Variants in RNF31 observed in about 807,000 individuals in gnomAD.
The protein encoded by RNF31 is ring finger protein 31, also known as E3 ubiquitin-protein ligase RNF31.
RNF31 carries 38 observed loss-of-function variants against 133.6 expected under a neutral mutation model. The ratio of observed to expected loss-of-function variants is 0.28; its 90% confidence interval spans 0.22 to 0.37. RNF31 has a LOEUF of 0.37. RNF31 is among the 10% of genes least tolerant of loss of function. The pLI is 1.00. For synonymous variants in RNF31, 582 were observed against 552.3 expected, an observed-to-expected ratio of 1.05 and a Z score of -0.75; for missense variants, 1,118 against 1,394.1, an observed-to-expected ratio of 0.80 and a Z score of 3.15.
chr14:24,159,838 A>C, intron 18 of RNF31, 26 bp from the exon 19 acceptor site: 1 of 1,594,372 alleles, frequency 6.3e-7, no homozygotes, highest in Non-Finnish European at 8.6e-7. Flanking sequence ...CTCCCAACAG[A>C]GGCTCCCTTC....
chr14:24,148,591 G>C, intron 3 of RNF31, 51 bp from the exon 4 acceptor site: 2 of 1,601,580 alleles, frequency 1.2e-6, no homozygotes, highest in Non-Finnish European at 1.7e-6. Context: ...TAGAGGGAGG[G>C]CTTTGTTCTA....
chr14:24,147,026 A>G (rs1367724108), upstream of RNF31: 15 of 227,562 alleles, frequency 6.6e-5, no homozygotes, highest in Non-Finnish European at 1.3e-4. Context: ...AGCCAGAGGG[A>G]GCGCCTGGGG....
In RNF31 at chr14:24,147,709, A is replaced by C; in HGVS notation, c.11A>C (p.Glu4Ala). The change falls in exon 1 of 21, where the codon GAG becomes GCG. Residue 4 changes from glutamate to alanine, a missense_variant. By Grantham distance (107) the Glu-to-Ala change is moderately radical. Around this residue, in one of 3 missense-constraint regions of RNF31, gnomAD observed 747 missense variants for 827.9 expected, o/e 0.90. Coordinates refer to ENST00000324103, the MANE Select transcript of RNF31 (RefSeq NM_017999.5). ...GACTCCTGCCTCAGGATGCCGGGGG[A>C]GGAAGAGGAGCGGGCCTTCCTGGTG... MPG[E>A]EEERAFLVAR... is the part of the protein sequence containing the mutation. 6.6e-7 allele frequency: 1 copy of C among 1,517,246 alleles called. No individual in the cohort carries two copies. The highest frequency in any genetic ancestry group is 8.8e-7 in the Non-Finnish European group (1 of 1,138,318). The allele number at this position is 1,517,246 out of a possible 1,614,324, so 94.0% of individuals were successfully genotyped here.
rs2139087148 is a variant in RNF31, at chr14:24,155,017, C to T, written c.2131-140C>T. On this transcript the variant is annotated intron_variant, in intron 11 of 20. Transcript: ENST00000324103. The surrounding 1 kb of genome is among the most constrained non-coding windows in gnomAD (Gnocchi z 4.9). Reference sequence around the variant, plus strand: ...AGATGTTTACGTTGCCTGCCTGGCCCCTGCTGGCACTTGAGGTTGTTAACC... The same window carrying T: ...AGATGTTTACGTTGCCTGCCTGGCCTCTGCTGGCACTTGAGGTTGTTAACC... The T allele has an allele frequency of 5.3e-6, 4 of 753,978 alleles. No homozygotes were observed. The East Asian group carries it at 1.1e-4, about 20-fold the overall frequency. The allele number at this position is 753,978 out of a possible 1,614,324, so 46.7% of individuals were successfully genotyped here.
At position 24,151,897 on chromosome 14, in the gene RNF31, G is replaced by C. The variant is rs765397489; in HGVS notation, c.2035G>C (p.Val679Leu). Residue 679 changes from valine (V) to leucine (L), a missense_variant, in exon 11 of 21, where the codon GTA becomes CTA. Physicochemically the swap from Val to Leu is conservative, Grantham distance 32. Coordinates refer to ENST00000324103, the MANE Select transcript of RNF31 (RefSeq NM_017999.5). This position sits in a 1 kb window ranked among gnomAD's most constrained non-coding sequence, Gnocchi z 5.3. Reference sequence around the variant, plus strand: ...CAGGAACTATGAGTTGGGGGATGTGGTAGAAGCTGTGAGGCACAGCCAGGA... The same window carrying C: ...CAGGAACTATGAGTTGGGGGATGTGCTAGAAGCTGTGAGGCACAGCCAGGA... Reference protein sequence around the residue: ...TPRNYELGDVVEAVRHSQDRA... With the variant: ...TPRNYELGDVLEAVRHSQDRA... The C allele has an allele frequency of 2.5e-6, 4 of 1,614,222 alleles. No homozygotes were observed. The highest frequency in any genetic ancestry group is 3.4e-6 in the Non-Finnish European group (4 of 1,180,036).
rs756736553 is a variant in RNF31 at position 24,151,991 on chromosome 14, G to A, written c.2129G>A (p.Arg710Gln). The change falls in exon 11 of 21, where the codon CGG (arginine) becomes CAG (glutamine). Residue 710 changes from arginine (R) to glutamine (Q), a missense_variant and splice_region_variant. By Grantham distance (43) the Arg-to-Gln change is conservative. Around this residue, in one of 3 missense-constraint regions of RNF31, gnomAD observed 201 missense variants for 371.7 expected, o/e 0.54. Coordinates refer to ENST00000324103, the MANE Select transcript of RNF31 (RefSeq NM_017999.5). The surrounding 1 kb of genome is among the most constrained non-coding windows in gnomAD (Gnocchi z 5.3). The part of the protein sequence containing the change: ...AVCGWALPHN[R>Q]MQALTSCECT... ...TGTGGCTGGGCCCTGCCCCACAACC[G>A]GGTAAGTCCCTCCCCACGATACCTG... The A allele has an allele frequency of 2.1e-5, 34 of 1,613,368 alleles. No individual in the cohort carries two copies. The South Asian group carries it at 2.3e-4, about 11-fold the overall frequency.
At chr14:24,153,998 G>C (rs929315457) in intron 11 of RNF31, among the ~76,000 whole-genome samples, 3 of 152,190 alleles carry the variant, frequency 2.0e-5, no homozygotes, top group African/African-American at 7.2e-5. Flanking sequence ...CCTTCACTCA[G>C]CGATGACATT....
chr14:24,149,299 G>C (rs1238442787), intron 5 of RNF31, 107 bp from the exon 6 acceptor site: 2 of 1,149,948 alleles, frequency 1.7e-6, no homozygotes, highest in Non-Finnish European at 2.5e-6. Flanking sequence ...TTGTTTCCTT[G>C]GGTCCAGATG....
At chr14:24,157,141 A>G (rs2038352555) in intron 14 of RNF31, 149 bp from the exon 15 acceptor site, 3 of 596,548 alleles carry the variant, frequency 5.0e-6, no homozygotes, top group Non-Finnish European at 6.0e-6. Context: ...AGGACCAAGG[A>G]TGGCCTCTCA....
chr14:24,148,931 G>A (rs1190278659), intron 5 of RNF31, 55 bp downstream of exon 5: 2 of 1,402,112 alleles, frequency 1.4e-6, no homozygotes, highest in African/African-American at 1.4e-5. Context: ...ATGGAAATTT[G>A]GGATGCTCCT....
chr14:24,158,249 C>T (rs776418613), intron 18 of RNF31, 50 bp downstream of exon 18: 18 of 1,568,486 alleles, frequency 1.1e-5, no homozygotes, highest in Non-Finnish European at 1.4e-5. Context: ...TGCTGGGCTC[C>T]CACCGTGTGA....
Position 24,151,646 on chromosome 14 carries a change from T to C in RNF31, c.1899T>C (p.Pro633=). 1 of 1,611,922 alleles carries C rather than the reference T, an allele frequency of 6.2e-7. No individual in the cohort carries two copies. Among genetic ancestry groups the C allele is most frequent in the Non-Finnish European group, 8.5e-7 (1 of 1,179,966 alleles). ...RLWDSGPEPT[P]SWDGPDKQSL... The stretch of plus-strand genomic sequence containing the variant: ...GGGACAGTGGCCCTGAGCCCACCCC[T>C]TCCTGGGATGGGCCAGACAAGCAGG... Residue 633 remains proline (P), a synonymous_variant, in exon 10 of 21, where the codon CCT becomes CCC. Transcript: ENST00000324103. The surrounding 1 kb of genome is among the most constrained non-coding windows in gnomAD (Gnocchi z 5.3).
In RNF31 at chr14:24,160,036, G is replaced by T. The variant is rs1198022240; in HGVS notation, c.2996+76G>T. 3 of 1,449,544 alleles carry T rather than the reference G, an allele frequency of 2.1e-6. No homozygotes were observed. Among genetic ancestry groups the T allele is most frequent in the Non-Finnish European group, 2.9e-6 (3 of 1,046,132 alleles). The allele number at this position is 1,449,544 out of a possible 1,614,324, so 89.8% of individuals were successfully genotyped here. On this transcript the variant is annotated intron_variant, in intron 19 of 20. Transcript: ENST00000324103. This position sits in a 1 kb window ranked among gnomAD's most constrained non-coding sequence, Gnocchi z 4.0. ...TGAGGGCATGCCCAGGCAGTAAAAT[G>T]GGTCCTTGGGAGCAGTAGGTCTTGC...
In RNF31 at chr14:24,147,703, CG is replaced by C; in HGVS notation, c.10del (p.Glu4ArgfsTer18). 2.6e-6 allele frequency: 4 copies of C among 1,513,150 alleles called. No individual in the cohort carries two copies. The highest frequency in any genetic ancestry group is 2.2e-5 in the Admixed American group (1 of 46,396). The allele number at this position is 1,513,150 out of a possible 1,614,324, so 93.7% of individuals were successfully genotyped here. A position where few individuals can be genotyped will look rare whatever the true frequency, so the allele number is the denominator to read the frequency against. Reference protein sequence around the residue: MPGEEEERAFLV... With the variant: MXGEEEERAFLV... ...GGGGCTGACTCCTGCCTCAGGATGC[CG>C]GGGGAGGAAGAGGAGCGGGCCTTCC... On this transcript the variant is annotated frameshift_variant, in exon 1 of 21. Coordinates refer to ENST00000324103, the MANE Select transcript of RNF31 (RefSeq NM_017999.5). LOFTEE classifies it high-confidence loss of function.
intron 18 of RNF31, 74 bp from the exon 19 acceptor site, chr14:24,159,790 T>G: frequency 1.7e-6 from 2 of 1,210,218 alleles, no homozygotes; most frequent in Non-Finnish European, 2.4e-6. Context: ...TTCCCTGCCT[T>G]GTGGATATCC....
chr14:24,153,119 T>C (rs1055773851), intron 11 of RNF31, among the ~76,000 whole-genome samples: 1 of 151,006 alleles, frequency 6.6e-6, no homozygotes, highest in African/African-American at 2.4e-5. Flanking sequence ...TTTTTGTGTG[T>C]GTGTGTGACA....
Position 24,150,246 on chromosome 14 carries a change from T to C in RNF31, c.995T>C (p.Leu332Ser), listed in dbSNP as rs1333080344. Residue 332 changes from leucine (L) to serine (S), a missense_variant, in exon 7 of 21, where the codon TTG becomes TCG. Leu to Ser is a moderately radical substitution (Grantham distance 145). This residue lies in a region of RNF31 where 747 missense variants were observed against 827.9 expected (regional missense o/e 0.90). Coordinates refer to ENST00000324103, the MANE Select transcript of RNF31 (RefSeq NM_017999.5). ...GATCGGCCCCGAGGCTGTAAGGGGT[T>C]GGGGTTGGGAACTGAGGGTCCCCAA... is the stretch of plus-strand genomic sequence containing the variant. ...ACDRPRGCKG[L>S]GLGTEGPQGT... is the part of the protein sequence containing the mutation. 2.5e-6 allele frequency: 4 copies of C among 1,614,020 alleles called. No homozygotes were observed. The African/African-American group carries it at 5.3e-5, about 22-fold the overall frequency.
intron 15 of RNF31, 57 bp from the exon 16 acceptor site, chr14:24,157,463 T>G (rs933974662): frequency 4.4e-6 from 7 of 1,603,512 alleles, no homozygotes; most frequent in Non-Finnish European, 6.0e-6. Context: ...GCAGCTCTCT[T>G]CCTGAGGGCC....
upstream of RNF31, chr14:24,147,382 G>C: frequency 3.7e-6 from 1 of 271,246 alleles, no homozygotes; most frequent in Non-Finnish European, 6.9e-6. Context: ...CCTTCTCATT[G>C]GTTGGGACCT....
Sources: allele counts gnomAD v4.1 joint callset (sites outside exome capture counted in the v4.1 genomes callset), GRCh38; gene constraint gnomAD v4.1.1; regional missense constraint gnomAD v4.1.1; non-coding constraint Gnocchi (gnomAD v3.1); transcripts MANE v1.5; gene names NCBI Gene and HGNC (gene_info 2026-07-23, HGNC 2026-07-21).